The following CNTNAP3B variants were observed in gnomAD, a reference collection of about 807,000 sequenced individuals.
CNTNAP3B encodes the protein contactin associated protein family member 3B.
In CNTNAP3B, 25 loss-of-function variants were observed where a neutral mutation model predicts 108.9. The observed-to-expected ratio is 0.23, with a 90% CI of 0.17 to 0.32. The LOEUF (loss-of-function observed/expected upper bound fraction) is 0.32, where lower values mean the gene tolerates loss of function less well. Among genes scored for constraint, CNTNAP3B ranks in the 10% least tolerant of loss-of-function variants. The probability of loss-of-function intolerance (pLI) is 1.00; values close to 1 mark genes in which losing one functional copy is unlikely to be tolerated. For missense variants in CNTNAP3B, 252 were observed against 1,210.4 expected (o/e 0.21, Z 11.75); for synonymous variants, 103 against 473.4 (o/e 0.22, Z 10.16).
rs57341620 is a variant in CNTNAP3B at position 42,098,031 on chromosome 9, C to T, written c.196+6598G>A. ...AGACAATACACAGAATTTGGAAAAACGAGGGAGTGATATCTCTAAGATTTT... is the reference window on the plus strand; with the variant it reads ...AGACAATACACAGAATTTGGAAAAATGAGGGAGTGATATCTCTAAGATTTT... On this transcript the variant is annotated intron_variant, in intron 2 of 23. Coordinates refer to ENST00000377561, the MANE Select transcript of CNTNAP3B (RefSeq NM_001201380.3). 3.4e-4 allele frequency among the ~76,000 whole-genome samples: 46 copies of T among 135,880 alleles called. 8 individuals carry two copies. The highest frequency in any genetic ancestry group is 3.3e-3 in the South Asian group (14 of 4,228). The allele number at this position is 135,880 out of a possible 152,430, so 89.1% of individuals were successfully genotyped here.
rs1197464775 is a variant in CNTNAP3B at position 42,113,747 on chromosome 9, A to T, written c.86-9008T>A. 3.6e-5 allele frequency among the ~76,000 whole-genome samples: 5 copies of T among 139,576 alleles called. 1 individual carries two copies. In the East Asian group the frequency reaches 1.1e-3, roughly 30 times the overall value. 91.6% of individuals were successfully genotyped at this position (139,576 alleles called of 152,430 possible). A position where few individuals can be genotyped will look rare whatever the true frequency, so the allele number is the denominator to read the frequency against. The stretch of plus-strand genomic sequence containing the variant: ...GTATTTGATAACACAAGAGGTGACT[A>T]TAGTCAATAATTACTTAATTGTACA... On this transcript the variant is annotated intron_variant, in intron 1 of 23. Coordinates refer to ENST00000377561, the MANE Select transcript of CNTNAP3B (RefSeq NM_001201380.3).
rs1216352359 is a variant in CNTNAP3B at position 42,118,808 on chromosome 9, G to A, written c.85+10202C>T. On this transcript the variant is annotated intron_variant, in intron 1 of 23. Coordinates refer to ENST00000377561, the MANE Select transcript of CNTNAP3B (RefSeq NM_001201380.3). ...TCTCAGCCCAAAATCTCCTTAAGCT[G>A]ATAAGCAACTTCAGCAAAGTCTCAA... Among the ~76,000 whole-genome samples, 5 of 104,736 alleles carry A rather than the reference G, an allele frequency of 4.8e-5. 1 individual carries two copies. Among genetic ancestry groups the A allele is most frequent in the African/African-American group, 4.1e-5 (1 of 24,396 alleles). The allele number at this position is 104,736 out of a possible 152,430, so 68.7% of individuals were successfully genotyped here. A position where few individuals can be genotyped will look rare whatever the true frequency, so the allele number is the denominator to read the frequency against.
intron 14 of CNTNAP3B, among the ~76,000 whole-genome samples, chr9:41,934,009 T>C (rs1486391065): frequency 3.3e-5 from 5 of 151,570 alleles, no homozygotes; most frequent in African/African-American, 1.2e-4. Flanking sequence ...AATATTAAAA[T>C]ATTCTTACCT....
At position 42,094,262 on chromosome 9, in the gene CNTNAP3B, A is replaced by T. The variant is rs1187964210; in HGVS notation, c.196+10367T>A. 2.9e-5 allele frequency among the ~76,000 whole-genome samples: 4 copies of T among 138,520 alleles called. 1 individual carries two copies. Among genetic ancestry groups the T allele is most frequent in the African/African-American group, 1.1e-4 (4 of 34,964 alleles). 90.9% of individuals were successfully genotyped at this position (138,520 alleles called of 152,430 possible). ...TGCAGGCTTAGTAAAAATCTAGATT[A>T]GGTCTGGCAGCCAAAATCTAGGTTA... is the stretch of plus-strand genomic sequence containing the variant. On this transcript the variant is annotated intron_variant, in intron 2 of 23. Coordinates refer to ENST00000377561, the MANE Select transcript of CNTNAP3B (RefSeq NM_001201380.3).
At chr9:41,940,640 C>T (rs1428630384) in intron 13 of CNTNAP3B, among the ~76,000 whole-genome samples, 2 of 152,256 alleles carry the variant, frequency 1.3e-5, no homozygotes, top group Non-Finnish European at 2.9e-5. Context: ...CACGGTGAAA[C>T]CCCGTCTCTA....
At chr9:42,076,006 A>G (rs1410706869) in intron 3 of CNTNAP3B, among the ~76,000 whole-genome samples, 14 of 131,582 alleles carry the variant, frequency 1.1e-4, no homozygotes, top group Admixed American at 2.3e-4. Context: ...AAGTCAAACA[A>G]AAAGTGATTA....
chr9:41,916,223 C>T (rs1188077732), intron 18 of CNTNAP3B, among the ~76,000 whole-genome samples: 1 of 148,544 alleles, frequency 6.7e-6, no homozygotes. Flanking sequence ...AGCCTTGCTG[C>T]CATCTGTCTC....
chr9:42,103,559 TAAA>T (rs761806373), intron 2 of CNTNAP3B, among the ~76,000 whole-genome samples: 1 of 87,744 alleles, frequency 1.1e-5, no homozygotes. Flanking sequence ...CCGTCCCTGC[TAAA>T]AAAAAAAAAA....
Position 42,110,880 on chromosome 9 carries a change from T to C in CNTNAP3B, c.86-6141A>G. On this transcript the variant is annotated intron_variant, in intron 1 of 23. Transcript: ENST00000377561. ...TATGAATCTGAATTGATCTGTGCAT[T>C]GCTATCTAGAGGGAATGCTTCGGAA... is the stretch of plus-strand genomic sequence containing the variant. 1.4e-5 allele frequency among the ~76,000 whole-genome samples: 2 copies of C among 140,356 alleles called. 1 individual carries two copies. The highest frequency in any genetic ancestry group is 1.4e-4 in the Admixed American group (2 of 14,094). 92.1% of individuals were successfully genotyped at this position (140,356 alleles called of 152,430 possible). A position where few individuals can be genotyped will look rare whatever the true frequency, so the allele number is the denominator to read the frequency against.
In CNTNAP3B at chr9:41,939,440, T is replaced by C. The variant is rs1350278600; in HGVS notation, c.2081-1040A>G. Among the ~76,000 whole-genome samples the C allele has an allele frequency of 3.3e-5, 5 of 152,260 alleles. No individual in the cohort carries two copies. The East Asian group carries it at 7.7e-4, about 23-fold the overall frequency. On this transcript the variant is annotated intron_variant, in intron 13 of 23. Coordinates refer to ENST00000377561, the MANE Select transcript of CNTNAP3B (RefSeq NM_001201380.3). ...TTACAACTCAATTATAACTCATTCA[T>C]AGATAAGATCTCTGCATTCATTACC...
At chr9:41,955,976 C>G (rs1824844916) in intron 12 of CNTNAP3B, among the ~76,000 whole-genome samples, 1 of 152,350 alleles carries the variant, frequency 6.6e-6, no homozygotes, top group Admixed American at 6.5e-5. Flanking sequence ...GCTCAGAACA[C>G]TTAAATCAGC....
intron 1 of CNTNAP3B, among the ~76,000 whole-genome samples, chr9:42,112,771 C>T (rs1261111744): frequency 7.3e-6 from 1 of 136,322 alleles, no homozygotes; most frequent in South Asian, 2.4e-4. Flanking sequence ...GTTATAACAA[C>T]AGTATACCAA....
rs1366831373 is a variant in CNTNAP3B at position 42,114,997 on chromosome 9, T to A, written c.86-10258A>T. On this transcript the variant is annotated intron_variant, in intron 1 of 23. Transcript: ENST00000377561. ...GGAACCCGGGAGGTGGAGGTTGCAG[T>A]GAGCCAAGATTGTGCCACTGCTCTC... Among the ~76,000 whole-genome samples the A allele has an allele frequency of 2.2e-5, 3 of 136,274 alleles. 1 individual carries two copies. The highest frequency in any genetic ancestry group is 2.2e-4 in the East Asian group (1 of 4,518). The allele number at this position is 136,274 out of a possible 152,430, so 89.4% of individuals were successfully genotyped here.
rs557180059 is a variant in CNTNAP3B, at chr9:42,055,315, T to C, written c.390+21554A>G. On this transcript the variant is annotated intron_variant, in intron 3 of 23. Transcript: ENST00000377561. ...AGTATATATATATATATACATATAT[T>C]CATTGTGGGAATTTCAAATGGGAGA... 5.6e-5 allele frequency among the ~76,000 whole-genome samples: 7 copies of C among 125,722 alleles called. No individual in the cohort carries two copies. The Admixed American group carries it at 5.6e-4, about 10-fold the overall frequency. 82.5% of individuals were successfully genotyped at this position (125,722 alleles called of 152,430 possible).
intron 13 of CNTNAP3B, among the ~76,000 whole-genome samples, chr9:41,941,212 A>C (rs951486312): frequency 4.6e-5 from 7 of 151,138 alleles, no homozygotes; most frequent in African/African-American, 1.7e-4. Flanking sequence ...AGAAAATTAT[A>C]AAAATTACCT....
In CNTNAP3B at chr9:41,929,335, G is replaced by A; in HGVS notation, c.2347C>T (p.Leu783=). The change falls in exon 15 of 24, where the codon CTG becomes TTG. Residue 783 remains leucine, a synonymous_variant. Coordinates refer to ENST00000377561, the MANE Select transcript of CNTNAP3B (RefSeq NM_001201380.3). ...HSEADYTLGP[L]LCRGDKSFWN... is the part of the protein sequence containing the mutation. ...TACTTACTATCTCCGCGGCAGAGCA[G>A]TGGCCCCAGTGTATAATCTGCTTCG... is the stretch of plus-strand genomic sequence containing the variant. 6.5e-7 allele frequency: 1 copy of A among 1,542,744 alleles called. No homozygotes were observed. The highest frequency in any genetic ancestry group is 8.8e-7 in the Non-Finnish European group (1 of 1,139,482).
intron 10 of CNTNAP3B, among the ~76,000 whole-genome samples, chr9:41,965,687 C>A (rs1394376049): frequency 1.3e-5 from 2 of 152,014 alleles, no homozygotes; most frequent in Non-Finnish European, 2.9e-5. Flanking sequence ...GCGGGGAGCA[C>A]CCAAGTGCCC....
At chr9:42,116,452 C>A (rs1213461653) in intron 1 of CNTNAP3B, among the ~76,000 whole-genome samples, 1 of 130,020 alleles carries the variant, frequency 7.7e-6, no homozygotes, top group East Asian at 2.3e-4. Flanking sequence ...GAAATAAAAT[C>A]CTTTACAGAC....
At chr9:41,952,750 T>G (rs1428232502) in intron 13 of CNTNAP3B, among the ~76,000 whole-genome samples, 1 of 150,508 alleles carries the variant, frequency 6.6e-6, no homozygotes, top group African/African-American at 2.4e-5. Context: ...GAAGGGCATA[T>G]TCAGTTAATC....
Sources: gnomAD v4.1 joint callset for allele counts (sites outside exome capture counted in the v4.1 genomes callset) on GRCh38, gnomAD v4.1.1 for gene constraint, MANE v1.5 for transcripts, NCBI Gene and HGNC (gene_info 2026-07-23, HGNC 2026-07-21) for gene names.